Variants in RHOJ observed in about 807,000 individuals in gnomAD.
The protein encoded by RHOJ is rho-related GTP-binding protein RhoJ.
RHOJ carries 11 observed loss-of-function variants against 23.4 expected under a neutral mutation model. The observed-to-expected ratio is 0.47, with a 90% CI of 0.30 to 0.78. The LOEUF (loss-of-function observed/expected upper bound fraction) is 0.78. Ranked by LOEUF, RHOJ falls within the 30% of genes least tolerant of loss-of-function variation. The pLI is 0.08. For missense variants in RHOJ, 254 were observed against 273.4 expected, an observed-to-expected ratio of 0.93 and a Z score of 0.50; for synonymous variants, 102 against 102.7, an observed-to-expected ratio of 0.99 and a Z score of 0.04.
intron 4 of RHOJ, 33 bp from the exon 5 acceptor site, chr14:63,290,845 A>G (rs1441145253): frequency 1.3e-6 from 2 of 1,571,920 alleles, no homozygotes; most frequent in South Asian, 1.2e-5. Context: ...TCTCTTTTTT[A>G]TCTCTCATGC....
chr14:63,228,265 T>C (rs927760546), intron 1 of RHOJ, among the ~76,000 whole-genome samples: 2 of 152,240 alleles, frequency 1.3e-5, no homozygotes, highest in African/African-American at 2.4e-5. Context: ...CATTGATTGA[T>C]GGTGGGAATG....
chr14:63,222,954 T>C lies in RHOJ; in HGVS notation c.178+17907T>C, dbSNP rs190206393. Among the ~76,000 whole-genome samples, 454 of 152,328 alleles carry C rather than the reference T, an allele frequency of 3.0e-3. 9 individuals carry two copies. Among genetic ancestry groups the C allele is most frequent in the Non-Finnish European group, 1.2e-3 (82 of 68,028 alleles). ...TTATTTATTGCCCTCCTCACCTCTG[T>C]GTTTCTGGAGAACACAAAGGAGCTA... On this transcript the variant is annotated intron_variant, in intron 1 of 4. Transcript: ENST00000316754.
At chr14:63,230,936 G>T (rs987206504) in intron 1 of RHOJ, among the ~76,000 whole-genome samples, 1 of 147,940 alleles carries the variant, frequency 6.8e-6, no homozygotes, top group African/African-American at 2.6e-5. Flanking sequence ...CGCCTCCTGG[G>T]TTCAAGCAAC....
At chr14:63,289,387 A>G (rs1311440184) in intron 4 of RHOJ, among the ~76,000 whole-genome samples, 3 of 152,184 alleles carry the variant, frequency 2.0e-5, no homozygotes, top group Non-Finnish European at 2.9e-5. Flanking sequence ...TATCATTTAC[A>G]TAAGCTATTG....
chr14:63,244,035 G>A (rs1894932035), intron 1 of RHOJ, among the ~76,000 whole-genome samples: 1 of 152,142 alleles, frequency 6.6e-6, no homozygotes, highest in South Asian at 2.1e-4. Context: ...CTCAGAACAT[G>A]TACGACATTC....
intron 2 of RHOJ, 154 bp downstream of exon 2, chr14:63,269,322 A>G: frequency 4.0e-6 from 2 of 498,840 alleles, no homozygotes; most frequent in South Asian, 7.5e-5. Context: ...CCAAAAGCAC[A>G]TTCTCAATAT....
At chr14:63,219,314 G>A (rs76377020) in intron 1 of RHOJ, among the ~76,000 whole-genome samples, 2,928 of 152,102 alleles carry the variant, frequency 0.019, 108 homozygotes, top group African/African-American at 0.068. Flanking sequence ...AGCATTTTTC[G>A]ACTTCTTTGA....
At chr14:63,285,395 T>C (rs965337481) in intron 4 of RHOJ, among the ~76,000 whole-genome samples, 11 of 152,304 alleles carry the variant, frequency 7.2e-5, no homozygotes, top group African/African-American at 2.2e-4. Flanking sequence ...GAGTCCCTTA[T>C]TTTCATGTGC....
chr14:63,291,915 T>G lies in RHOJ; in HGVS notation c.*891T>G, dbSNP rs1028192965. 6.6e-6 allele frequency: 1 copy of G among 152,404 alleles called. No individual in the cohort carries two copies. The highest frequency in any genetic ancestry group is 1.5e-5 in the Non-Finnish European group (1 of 68,040). 9.4% of individuals were successfully genotyped at this position (152,404 alleles called of 1,614,324 possible). On this transcript the variant is annotated 3_prime_UTR_variant, in exon 5 of 5. Coordinates refer to ENST00000316754, the MANE Select transcript of RHOJ (RefSeq NM_020663.5). ...ATGGCAGGATCCATCTTTTACAGTA[T>G]TTTGTATTCAGTAAAGTGGACATTC...
intron 1 of RHOJ, among the ~76,000 whole-genome samples, chr14:63,240,069 G>A (rs1250696095): frequency 6.6e-6 from 1 of 152,116 alleles, no homozygotes; most frequent in African/African-American, 2.4e-5. Flanking sequence ...TGTAAATATG[G>A]TAGAATGAGA....
intron 4 of RHOJ, chr14:63,288,313 T>C: frequency 2.0e-6 from 2 of 985,444 alleles, no homozygotes. Flanking sequence ...CCTGCAGGAC[T>C]CCAGGTGTGA....
In RHOJ at chr14:63,291,282, TC is replaced by T. The variant is rs1882242833; in HGVS notation, c.*259del. On this transcript the variant is annotated 3_prime_UTR_variant, in exon 5 of 5. Coordinates refer to ENST00000316754, the MANE Select transcript of RHOJ (RefSeq NM_020663.5). ...GGATTGCAGACAGTGCCGCTGCTGA[TC>T]GCATCAAAAACAAAGTCAAAGGCCA... 2.0e-6 allele frequency: 1 copy of T among 496,010 alleles called. No homozygotes were observed. Among genetic ancestry groups the T allele is most frequent in the Non-Finnish European group, 3.7e-6 (1 of 271,942 alleles). 30.7% of individuals were successfully genotyped at this position (496,010 alleles called of 1,614,324 possible). A position where few individuals can be genotyped will look rare whatever the true frequency, so the allele number is the denominator to read the frequency against.
rs1335360081 is a variant in RHOJ, at chr14:63,229,790, T to G, written c.178+24743T>G. Among the ~76,000 whole-genome samples the G allele has an allele frequency of 2.0e-5, 3 of 152,224 alleles. No homozygotes were observed. The East Asian group carries it at 5.8e-4, about 29-fold the overall frequency. On this transcript the variant is annotated intron_variant, in intron 1 of 4. Coordinates refer to ENST00000316754, the MANE Select transcript of RHOJ (RefSeq NM_020663.5). Reference sequence around the variant, plus strand: ...TCTCCTTATCTTAAGGGCAGCTGATTGGTAACTTCATTGCATCTGCAAAAT... The same window carrying G: ...TCTCCTTATCTTAAGGGCAGCTGATGGGTAACTTCATTGCATCTGCAAAAT...
chr14:63,279,095 C>CT (rs1881819476), intron 2 of RHOJ, among the ~76,000 whole-genome samples: 1 of 152,206 alleles, frequency 6.6e-6, no homozygotes, highest in African/African-American at 2.4e-5. Context: ...TGAAAACAAG[C>CT]TTTCACTTCA....
intron 2 of RHOJ, among the ~76,000 whole-genome samples, chr14:63,279,199 C>G (rs1437662484): frequency 6.6e-6 from 1 of 152,116 alleles, no homozygotes; most frequent in Non-Finnish European, 1.5e-5. Flanking sequence ...AGTCATGCCC[C>G]TAATAAATGA....
At chr14:63,226,781 T>G (rs2139742951) in intron 1 of RHOJ, among the ~76,000 whole-genome samples, 1 of 151,880 alleles carries the variant, frequency 6.6e-6, no homozygotes, top group East Asian at 1.9e-4. Flanking sequence ...GCACAGTCAA[T>G]GCAAATACAA....
At chr14:63,266,932 T>C (rs1048815394) in intron 1 of RHOJ, among the ~76,000 whole-genome samples, 5 of 152,176 alleles carry the variant, frequency 3.3e-5, no homozygotes, top group African/African-American at 1.2e-4. Flanking sequence ...TGTGCAGACA[T>C]ATGCACAGCC....
intron 3 of RHOJ, 118 bp downstream of exon 3, chr14:63,281,253 T>A: frequency 3.1e-6 from 3 of 967,908 alleles, no homozygotes; most frequent in Non-Finnish European, 4.4e-6. Flanking sequence ...GACATGTCAA[T>A]CCTATGAACA....
At chr14:63,246,029 A>G (rs1224984411) in intron 1 of RHOJ, among the ~76,000 whole-genome samples, 1 of 152,030 alleles carries the variant, frequency 6.6e-6, no homozygotes, top group African/African-American at 2.4e-5. Context: ...TGTTTCAAAG[A>G]CCCGGCTTAG....
Sources: allele counts gnomAD v4.1 joint callset (sites outside exome capture counted in the v4.1 genomes callset), GRCh38; gene constraint gnomAD v4.1.1; transcripts MANE v1.5; gene names NCBI Gene and HGNC (gene_info 2026-07-23, HGNC 2026-07-21).